Variants in MACROD2 observed in about 807,000 individuals in gnomAD.
MACROD2 encodes the protein ADP-ribose glycohydrolase MACROD2.
Under a neutral mutation model 70.4 loss-of-function variants are expected in MACROD2, and 36 were observed. That is an observed-to-expected ratio of 0.51 (90% CI 0.39 to 0.68). MACROD2 has a LOEUF of 0.68. Among genes scored for constraint, MACROD2 ranks in the 30% least tolerant of loss-of-function variants. MACROD2 has a pLI of 0.00. For missense variants in MACROD2, 496 were observed against 538.4 expected, an observed-to-expected ratio of 0.92 and a Z score of 0.78; for synonymous variants, 172 against 178.8, an observed-to-expected ratio of 0.96 and a Z score of 0.30.
chr20:15,944,235 A>G (rs1476133383), intron 12 of MACROD2, among the ~76,000 whole-genome samples: 1 of 152,160 alleles, frequency 6.6e-6, no homozygotes, highest in Non-Finnish European at 1.5e-5. Context: ...AAACATTTGT[A>G]TTACTTACAT....
At chr20:15,313,604 T>C (rs967408457) in intron 6 of MACROD2, among the ~76,000 whole-genome samples, 1 of 151,928 alleles carries the variant, frequency 6.6e-6, no homozygotes, top group Non-Finnish European at 1.5e-5. Flanking sequence ...GTGGAATCCC[T>C]CCTAGTGCTC....
At chr20:14,618,783 T>G (rs1455391073) in intron 4 of MACROD2, among the ~76,000 whole-genome samples, 2 of 152,140 alleles carry the variant, frequency 1.3e-5, no homozygotes, top group African/African-American at 4.8e-5. Context: ...TACATTCATA[T>G]GGTAAATAAC....
chr20:15,229,240 A>T (rs1264411719), intron 5 of MACROD2, among the ~76,000 whole-genome samples: 1 of 152,234 alleles, frequency 6.6e-6, no homozygotes, highest in African/African-American at 2.4e-5. Context: ...TGTATTTTTC[A>T]ACATAAATAG....
chr20:15,621,974 A>G (rs1184276501), intron 8 of MACROD2, among the ~76,000 whole-genome samples: 2 of 152,158 alleles, frequency 1.3e-5, no homozygotes, highest in African/African-American at 4.8e-5. Flanking sequence ...TGTGGGAGGT[A>G]AAGATAGATG....
At chr20:15,263,467 T>C (rs1458735848) in intron 6 of MACROD2, among the ~76,000 whole-genome samples, 2 of 152,030 alleles carry the variant, frequency 1.3e-5, no homozygotes, top group African/African-American at 2.4e-5. Flanking sequence ...GTAACATGAT[T>C]CCCCTAGTTT....
intron 8 of MACROD2, among the ~76,000 whole-genome samples, chr20:15,691,209 T>G (rs73614432): frequency 0.043 from 6,553 of 152,282 alleles, 288 homozygotes; most frequent in East Asian, 0.21. Flanking sequence ...ATTTCCCTGC[T>G]CTTCATTTGT....
At chr20:14,323,513 A>C (rs1389559493) in intron 3 of MACROD2, 1 of 152,068 alleles carries the variant, frequency 6.6e-6, no homozygotes, top group East Asian at 1.9e-4. Flanking sequence ...TGCTTGATTA[A>C]ACCACTGGTC....
At chr20:15,555,211 G>A (rs774583797) in intron 8 of MACROD2, among the ~76,000 whole-genome samples, 5 of 152,080 alleles carry the variant, frequency 3.3e-5, no homozygotes, top group Non-Finnish European at 7.3e-5. Flanking sequence ...GCAGCCCTGT[G>A]GTAGAGAAGC....
rs570521934 is a variant in MACROD2 at position 14,805,459 on chromosome 20, A to C, written c.418+120500A>C. Among the ~76,000 whole-genome samples, 7 of 152,078 alleles carry C rather than the reference A, an allele frequency of 4.6e-5. No homozygotes were observed. The South Asian group carries it at 1.2e-3, about 27-fold the overall frequency. On this transcript the variant is annotated intron_variant, in intron 5 of 17. Coordinates refer to ENST00000684519, the MANE Select transcript of MACROD2 (RefSeq NM_001351661.2). Reference sequence around the variant, plus strand: ...TTCTATGAGTAACCAGCTAGACACCATATTAAAAGTAGTCTGTTCATATTA... The same window carrying C: ...TTCTATGAGTAACCAGCTAGACACCCTATTAAAAGTAGTCTGTTCATATTA...
In MACROD2 at chr20:14,900,659, C is replaced by T. The variant is rs960742446; in HGVS notation, c.418+215700C>T. The stretch of plus-strand genomic sequence containing the variant: ...TCTGCGAGGTCAGTAGTAATGTCCC[C>T]TCTTTAATTATGATTTTAGTAATTG... On this transcript the variant is annotated intron_variant, in intron 5 of 17. Coordinates refer to ENST00000684519, the MANE Select transcript of MACROD2 (RefSeq NM_001351661.2). Among the ~76,000 whole-genome samples, 22 of 151,914 alleles carry T rather than the reference C, an allele frequency of 1.4e-4. No homozygotes were observed. In the East Asian group the frequency reaches 3.5e-3, roughly 24 times the overall value.
At chr20:15,558,737 C>T (rs1223458047) in intron 8 of MACROD2, among the ~76,000 whole-genome samples, 1 of 152,218 alleles carries the variant, frequency 6.6e-6, no homozygotes, top group Non-Finnish European at 1.5e-5. Context: ...GGAAAGAAAA[C>T]TTCAGGCAGC....
At chr20:14,902,863 A>G (rs377632167) in intron 5 of MACROD2, among the ~76,000 whole-genome samples, 2 of 152,102 alleles carry the variant, frequency 1.3e-5, no homozygotes, top group East Asian at 1.9e-4. Context: ...CAAAGGCAGA[A>G]GAAGAGAAAG....
At chr20:14,814,383 G>GT (rs1317752922) in intron 5 of MACROD2, among the ~76,000 whole-genome samples, 5 of 152,092 alleles carry the variant, frequency 3.3e-5, no homozygotes, top group Non-Finnish European at 5.9e-5. Flanking sequence ...AATGCTTACA[G>GT]TTTTTTTAAA....
At chr20:14,820,715 T>A (rs971366628) in intron 5 of MACROD2, among the ~76,000 whole-genome samples, 3 of 152,062 alleles carry the variant, frequency 2.0e-5, no homozygotes, top group Admixed American at 2.0e-4. Context: ...TCCGTTACAT[T>A]CTTTTTTTCC....
At chr20:14,359,544 A>T (rs1204381784) in intron 3 of MACROD2, among the ~76,000 whole-genome samples, 1 of 152,358 alleles carries the variant, frequency 6.6e-6, no homozygotes, top group Non-Finnish European at 1.5e-5. Context: ...AATAGCCAAG[A>T]TATGGAATCA....
chr20:14,008,324 A>G (rs1207258318), intron 2 of MACROD2, among the ~76,000 whole-genome samples: 1 of 152,230 alleles, frequency 6.6e-6, no homozygotes, highest in African/African-American at 2.4e-5. Context: ...GCTATACACC[A>G]AAAACAGGCA....
At chr20:14,232,607 C>A (rs1443883669) in intron 3 of MACROD2, among the ~76,000 whole-genome samples, 1 of 152,256 alleles carries the variant, frequency 6.6e-6, no homozygotes, top group African/African-American at 2.4e-5. Context: ...TTCCTCACCT[C>A]TGTCAGCCTT....
In MACROD2 at chr20:15,465,371, G is replaced by C. The variant is rs74691948; in HGVS notation, c.571+33936G>C. 5.3e-3 allele frequency among the ~76,000 whole-genome samples: 812 copies of C among 152,182 alleles called. 7 individuals carry two copies. Among genetic ancestry groups the C allele is most frequent in the African/African-American group, 0.018 (759 of 41,450 alleles). On this transcript the variant is annotated intron_variant, in intron 7 of 17. Transcript: ENST00000684519. ...AGCCACTCAAGCCATGTTCCTGAAG[G>C]GGAGCCAGGCAAGGTGGAGAGTGAT... is the stretch of plus-strand genomic sequence containing the variant.
At chr20:14,782,739 C>T (rs1205390088) in intron 5 of MACROD2, among the ~76,000 whole-genome samples, 1 of 152,122 alleles carries the variant, frequency 6.6e-6, no homozygotes, top group Non-Finnish European at 1.5e-5. Flanking sequence ...GTCCTGCTTC[C>T]CTCACTTCCA....
Sources: gnomAD v4.1 joint callset for allele counts (sites outside exome capture counted in the v4.1 genomes callset) on GRCh38, gnomAD v4.1.1 for gene constraint, MANE v1.5 for transcripts, NCBI Gene and HGNC (gene_info 2026-07-23, HGNC 2026-07-21) for gene names.